STAG1: variants seen among roughly 807,000 people sequenced by gnomAD.
STAG1 encodes the protein cohesin subunit SA-1.
Under a neutral mutation model 170.9 loss-of-function variants are expected in STAG1, and 26 were observed. That is an observed-to-expected ratio of 0.15 (90% CI 0.11 to 0.21). The LOEUF (loss-of-function observed/expected upper bound fraction) is 0.21, where lower values mean the gene tolerates loss of function less well. Among genes scored for constraint, STAG1 ranks in the 10% least tolerant of loss-of-function variants. The pLI, the probability that STAG1 is intolerant of heterozygous loss-of-function variation, is 1.00. For synonymous variants in STAG1, 514 were observed against 497.7 expected, an observed-to-expected ratio of 1.03 and a Z score of -0.44; for missense variants, 964 against 1,509.5, an observed-to-expected ratio of 0.64 and a Z score of 5.99.
At chr3:136,684,776 C>CAAAAAA (rs772542086) in intron 1 of STAG1, among the ~76,000 whole-genome samples, 2 of 63,544 alleles carry the variant, frequency 3.1e-5, no homozygotes, top group Non-Finnish European at 6.7e-5. Context: ...ACCCTGTCTC[C>CAAAAAA]AAAAAAAAAA....
At chr3:136,710,083 G>C (rs1450002184) in intron 1 of STAG1, among the ~76,000 whole-genome samples, 2 of 152,108 alleles carry the variant, frequency 1.3e-5, no homozygotes, top group Non-Finnish European at 2.9e-5. Context: ...GAGGGATTGG[G>C]AACTCCAGAT....
intron 7 of STAG1, among the ~76,000 whole-genome samples, chr3:136,518,917 G>C (rs532367335): frequency 1.1e-4 from 16 of 152,046 alleles, no homozygotes; most frequent in Middle Eastern, 3.4e-3. Flanking sequence ...GGCAATGGGG[G>C]GAGGCAGGAG....
intron 1 of STAG1, among the ~76,000 whole-genome samples, chr3:136,661,564 G>A (rs1023927123): frequency 6.6e-6 from 1 of 151,972 alleles, no homozygotes; most frequent in African/African-American, 2.4e-5. Context: ...GTTTAGACTT[G>A]GGTTCCATCC....
At chr3:136,442,882 T>C (rs189324073) in intron 15 of STAG1, among the ~76,000 whole-genome samples, 21 of 152,222 alleles carry the variant, frequency 1.4e-4, no homozygotes, top group African/African-American at 5.1e-4. Flanking sequence ...AAAAATTAGC[T>C]GAGTGTGGTG....
intron 21 of STAG1, among the ~76,000 whole-genome samples, chr3:136,400,616 AC>A (rs1358525948): frequency 6.6e-6 from 1 of 151,078 alleles, no homozygotes. Flanking sequence ...GCTCACTGCA[AC>A]CTCCGCCTCC....
At chr3:136,418,530 T>C (rs1327539051) in intron 20 of STAG1, among the ~76,000 whole-genome samples, 1 of 151,194 alleles carries the variant, frequency 6.6e-6, no homozygotes, top group Non-Finnish European at 1.5e-5. Flanking sequence ...ATTAAAGAAA[T>C]CAACAAAAAA....
chr3:136,678,923 G>A (rs560620601), intron 1 of STAG1, among the ~76,000 whole-genome samples: 140 of 143,488 alleles, frequency 9.8e-4, no homozygotes, highest in African/African-American at 3.1e-3. Flanking sequence ...TGTGCCTGCT[G>A]TAGTACTAGC....
rs1935691472 is a variant in STAG1, at chr3:136,336,677, G to GAGA, written c.*1574_*1576dup. On this transcript the variant is annotated 3_prime_UTR_variant, in exon 34 of 34. Transcript: ENST00000383202. ...GAGCCCAAGAATTGCTGAATTAGCA[G>GAGA]AGAAGATATTTTTGGTGACCAGGTT... The GAGA allele has an allele frequency of 6.6e-6, 1 of 152,210 alleles. No homozygotes were observed. Among genetic ancestry groups the GAGA allele is most frequent in the Admixed American group, 6.5e-5 (1 of 15,282 alleles). The allele number at this position is 152,210 out of a possible 1,614,324, so 9.4% of individuals were successfully genotyped here. A position where few individuals can be genotyped will look rare whatever the true frequency, so the allele number is the denominator to read the frequency against.
At chr3:136,377,101 C>T (rs1937638223) in intron 23 of STAG1, among the ~76,000 whole-genome samples, 1 of 146,356 alleles carries the variant, frequency 6.8e-6, no homozygotes, top group African/African-American at 2.5e-5. Context: ...TCTTAGGAGT[C>T]AAAAAGTCTA....
intron 15 of STAG1, among the ~76,000 whole-genome samples, chr3:136,439,741 T>G (rs1287863465): frequency 6.6e-6 from 1 of 152,234 alleles, no homozygotes; most frequent in Admixed American, 6.5e-5. Flanking sequence ...AGATAAAATG[T>G]ATTTGAAAAA....
chr3:136,593,126 T>A (rs891262759), intron 4 of STAG1, among the ~76,000 whole-genome samples: 3 of 151,970 alleles, frequency 2.0e-5, no homozygotes, highest in African/African-American at 7.3e-5. Flanking sequence ...GCAATCAACA[T>A]CCAAAAAGGT....
chr3:136,456,680 C>T (rs151059413), intron 13 of STAG1, among the ~76,000 whole-genome samples: 44 of 152,220 alleles, frequency 2.9e-4, no homozygotes, highest in African/African-American at 1.0e-3. Context: ...ACAAATTCAA[C>T]CCAAAGAGGA....
chr3:136,510,467 T>G (rs1373877391), intron 7 of STAG1, among the ~76,000 whole-genome samples: 1 of 151,786 alleles, frequency 6.6e-6, no homozygotes, highest in Non-Finnish European at 1.5e-5. Flanking sequence ...TTTTGTATTT[T>G]TAGTAGAGAT....
chr3:136,660,304 G>C (rs546743076), intron 1 of STAG1, among the ~76,000 whole-genome samples: 1 of 152,146 alleles, frequency 6.6e-6, no homozygotes, highest in East Asian at 1.9e-4. Flanking sequence ...TCAAAAACTT[G>C]TCTCTGCAAA....
chr3:136,370,320 T>C lies in STAG1; in HGVS notation c.2371-1038A>G, dbSNP rs116121455. ...TGATACTGATAATTCTGACACTTTG[T>C]AGGCCTAGGCTAATGTATGTGTTTC... On this transcript the variant is annotated intron_variant, in intron 23 of 33. Coordinates refer to ENST00000383202, the MANE Select transcript of STAG1 (RefSeq NM_005862.3). Among the ~76,000 whole-genome samples the C allele has an allele frequency of 5.3e-3, 807 of 152,182 alleles. 8 individuals carry two copies. The highest frequency in any genetic ancestry group is 0.019 in the African/African-American group (782 of 41,530).
At chr3:136,504,655 A>C (rs1256384653) in intron 7 of STAG1, among the ~76,000 whole-genome samples, 1 of 152,244 alleles carries the variant, frequency 6.6e-6, no homozygotes, top group Non-Finnish European at 1.5e-5. Context: ...AGTGACACCC[A>C]AAGGAGCTTA....
Position 136,721,430 on chromosome 3 carries a change from A to G in STAG1, c.-84+30765T>C, listed in dbSNP as rs187015562. The stretch of plus-strand genomic sequence containing the variant: ...ACTCTTTTTACATTATTTTTTTCTT[A>G]GTACAGAGGCCATGCTAATCTCTAT... On this transcript the variant is annotated intron_variant, in intron 1 of 33. Coordinates refer to ENST00000383202, the MANE Select transcript of STAG1 (RefSeq NM_005862.3). The G allele has an allele frequency of 2.6e-5, 4 of 152,262 alleles. No homozygotes were observed. In the East Asian group the frequency reaches 7.7e-4, roughly 29 times the overall value. 9.4% of individuals were successfully genotyped at this position (152,262 alleles called of 1,614,324 possible).
At chr3:136,540,822 C>CAAGAAAAAAAA (rs1935854041) in intron 6 of STAG1, among the ~76,000 whole-genome samples, 1 of 46,276 alleles carries the variant, frequency 2.2e-5, no homozygotes, top group African/African-American at 5.9e-5. Flanking sequence ...ACTGTGTCTC[C>CAAGAAAAAAAA]AAAAAAAAAA....
intron 1 of STAG1, among the ~76,000 whole-genome samples, chr3:136,642,995 T>C (rs989568036): frequency 1.3e-5 from 2 of 152,256 alleles, no homozygotes; most frequent in Admixed American, 6.5e-5. Flanking sequence ...CTGTCTTCTC[T>C]TCTTATAAGG....
Sources: gnomAD v4.1 joint callset for allele counts (sites outside exome capture counted in the v4.1 genomes callset) on GRCh38, gnomAD v4.1.1 for gene constraint, MANE v1.5 for transcripts, NCBI Gene and HGNC (gene_info 2026-07-23, HGNC 2026-07-21) for gene names.